Variants in CADM2 observed in about 807,000 individuals in gnomAD.
CADM2 encodes cell adhesion molecule 2.
CADM2 carries 12 observed loss-of-function variants against 49.8 expected under a neutral mutation model. The ratio of observed to expected loss-of-function variants is 0.24; its 90% confidence interval spans 0.15 to 0.39. CADM2 has a LOEUF of 0.39. Ranked by LOEUF, CADM2 falls within the 10% of genes least tolerant of loss-of-function variation. The pLI, the probability that CADM2 is intolerant of heterozygous loss-of-function variation, is 1.00. For missense variants in CADM2, 378 were observed against 492.3 expected (o/e 0.77, Z 2.20); for synonymous variants, 214 against 175.4 (o/e 1.22, Z -1.74).
At chr3:86,040,008 C>T (rs1239954289) in intron 8 of CADM2, among the ~76,000 whole-genome samples, 2 of 152,192 alleles carry the variant, frequency 1.3e-5, no homozygotes, top group African/African-American at 2.4e-5. Flanking sequence ...TCCAACAGAC[C>T]TGCAGCTGAG....
At chr3:85,954,946 A>C (rs1577766362) in intron 7 of CADM2, among the ~76,000 whole-genome samples, 1 of 151,228 alleles carries the variant, frequency 6.6e-6, no homozygotes, top group African/African-American at 2.4e-5. Context: ...AGAGGGATTA[A>C]GTTTTTAAAA....
intron 1 of CADM2, among the ~76,000 whole-genome samples, chr3:85,198,917 G>T (rs2041414753): frequency 6.6e-6 from 1 of 151,692 alleles, no homozygotes; most frequent in African/African-American, 2.4e-5. Flanking sequence ...TATTGTTCTG[G>T]ACTGCATTGA....
intron 1 of CADM2, among the ~76,000 whole-genome samples, chr3:85,222,375 G>A (rs1351025883): frequency 1.3e-5 from 2 of 152,110 alleles, no homozygotes; most frequent in East Asian, 1.9e-4. Context: ...CTCTGATGGT[G>A]ATTCTGGCTT....
In CADM2 at chr3:85,653,537, T is replaced by A. The variant is rs540093685; in HGVS notation, c.62-72985T>A. Among the ~76,000 whole-genome samples, 3 of 151,920 alleles carry A rather than the reference T, an allele frequency of 2.0e-5. No individual in the cohort carries two copies. In the South Asian group the frequency reaches 6.3e-4, roughly 32 times the overall value. On this transcript the variant is annotated intron_variant, in intron 1 of 9. Transcript: ENST00000383699. ...TGCTTTTTTCTGAGAAGGAGAAGAC[T>A]GTAGGAGAAGCATATTTGTCAGGGG...
chr3:85,127,812 A>C (rs2039087881), intron 1 of CADM2, among the ~76,000 whole-genome samples: 1 of 152,184 alleles, frequency 6.6e-6, no homozygotes. Context: ...TTAGAGTTTC[A>C]TTCAACAATG....
chr3:85,114,307 G>A (rs114661487), intron 1 of CADM2, among the ~76,000 whole-genome samples: 163 of 152,172 alleles, frequency 1.1e-3, no homozygotes, highest in African/African-American at 3.7e-3. Flanking sequence ...GGTGAAAGTA[G>A]GTGTGGAGAG....
chr3:86,005,539 G>A (rs1460062755), intron 8 of CADM2, among the ~76,000 whole-genome samples: 8 of 144,312 alleles, frequency 5.5e-5, no homozygotes, highest in Admixed American at 7.1e-5. Flanking sequence ...CAACAACAGC[G>A]AGACTCCGTC....
intron 3 of CADM2, among the ~76,000 whole-genome samples, chr3:85,869,868 A>G (rs995200798): frequency 2.6e-5 from 4 of 151,978 alleles, no homozygotes; most frequent in South Asian, 2.1e-4. Flanking sequence ...TCACCATGTT[A>G]GCCAGGACGG....
At chr3:85,274,197 A>AT (rs1393042538) in intron 1 of CADM2, among the ~76,000 whole-genome samples, 1 of 150,806 alleles carries the variant, frequency 6.6e-6, no homozygotes, top group African/African-American at 2.4e-5. Flanking sequence ...TTAGTATAGC[A>AT]TTTTTGAGGA....
chr3:85,416,303 T>C (rs961985728), intron 1 of CADM2, among the ~76,000 whole-genome samples: 20 of 152,152 alleles, frequency 1.3e-4, no homozygotes, highest in African/African-American at 4.6e-4. Flanking sequence ...CTTTTGATGA[T>C]GGCCTTTCAC....
chr3:85,544,516 G>A (rs1225432479), intron 1 of CADM2, among the ~76,000 whole-genome samples: 1 of 152,134 alleles, frequency 6.6e-6, no homozygotes, highest in East Asian at 1.9e-4. Context: ...GGCGGAGCTT[G>A]CAGTGAACGG....
chr3:85,984,850 T>C (rs1422130963), intron 8 of CADM2, among the ~76,000 whole-genome samples: 1 of 151,966 alleles, frequency 6.6e-6, no homozygotes, highest in Admixed American at 6.6e-5. Flanking sequence ...AATTTTGTAC[T>C]AACAAAAACT....
intron 1 of CADM2, among the ~76,000 whole-genome samples, chr3:85,690,888 T>G (rs2066363717): frequency 6.6e-6 from 1 of 152,224 alleles, no homozygotes. Flanking sequence ...AGCATGTGCA[T>G]CACCTTGTAT....
intron 1 of CADM2, among the ~76,000 whole-genome samples, chr3:85,065,036 T>A (rs1459552461): frequency 1.3e-5 from 2 of 152,218 alleles, no homozygotes; most frequent in South Asian, 4.1e-4. Flanking sequence ...AGATGGAGTT[T>A]TAAAATAAAA....
At chr3:85,153,862 A>G (rs1346923978) in intron 1 of CADM2, among the ~76,000 whole-genome samples, 1 of 152,112 alleles carries the variant, frequency 6.6e-6, no homozygotes, top group Non-Finnish European at 1.5e-5. Flanking sequence ...ACTCCAACAG[A>G]CCTGCAGCTG....
chr3:85,073,052 G>T (rs1039436639), intron 1 of CADM2, among the ~76,000 whole-genome samples: 1 of 152,112 alleles, frequency 6.6e-6, no homozygotes, highest in Non-Finnish European at 1.5e-5. Flanking sequence ...TCTTAAGTCT[G>T]ATGTAGCTCT....
chr3:86,058,920 C>A (rs1411385912), intron 8 of CADM2, among the ~76,000 whole-genome samples: 2 of 151,642 alleles, frequency 1.3e-5, no homozygotes, highest in Admixed American at 6.6e-5. Flanking sequence ...CTGGTGAAAC[C>A]CTGTCTCCAC....
Position 85,883,281 on chromosome 3 carries a change from C to A in CADM2, c.239-10C>A. 6 of 1,596,854 alleles carry A rather than the reference C, an allele frequency of 3.8e-6. No homozygotes were observed. Among genetic ancestry groups the A allele is most frequent in the South Asian group, 1.1e-5 (1 of 88,828 alleles). On this transcript the variant is annotated splice_polypyrimidine_tract_variant and intron_variant, in intron 3 of 9. Transcript: ENST00000383699. ...TCCTTATTTACATTTTCAATATTTTCTCTTTCCAGCTTTAAGGGACAATAG... is the reference window on the plus strand; with the variant it reads ...TCCTTATTTACATTTTCAATATTTTATCTTTCCAGCTTTAAGGGACAATAG...
intron 1 of CADM2, among the ~76,000 whole-genome samples, chr3:85,192,640 T>TA (rs1290040667): frequency 6.6e-6 from 1 of 150,970 alleles, no homozygotes; most frequent in African/African-American, 2.4e-5. Flanking sequence ...TAGTAACCTA[T>TA]AAAAAATCCA....
Sources: gnomAD v4.1 joint callset for allele counts (sites outside exome capture counted in the v4.1 genomes callset) on GRCh38, gnomAD v4.1.1 for gene constraint, MANE v1.5 for transcripts, NCBI Gene and HGNC (gene_info 2026-07-23, HGNC 2026-07-21) for gene names.